Variants in ANKRD52 observed in about 807,000 individuals in gnomAD.
ANKRD52 encodes serine/threonine-protein phosphatase 6 regulatory ankyrin repeat subunit C.
ANKRD52 carries 7 observed loss-of-function variants against 116.0 expected under a neutral mutation model. That is an observed-to-expected ratio of 0.06 (90% confidence interval 0.03 to 0.11). The LOEUF is 0.11. Ranked by LOEUF, ANKRD52 falls within the 10% of genes least tolerant of loss-of-function variation. ANKRD52 has a pLI of 1.00. For missense variants in ANKRD52, 839 were observed against 1,408.6 expected, an observed-to-expected ratio of 0.60 and a Z score of 6.47; for synonymous variants, 528 against 578.1, an observed-to-expected ratio of 0.91 and a Z score of 1.24.
rs746083957 is a variant in ANKRD52 at position 56,255,842 on chromosome 12, A to C, written c.404T>G (p.Val135Gly). ...AGCACTGCGCCCGCTCCTGTCAGCC[A>C]CGTTGAGGCTGCTCAACAGGGGTGC... Reference protein sequence around the residue: ...ALAPLLSSLNVADRSGRSALH... With the variant: ...ALAPLLSSLNGADRSGRSALH... Residue 135 changes from valine (V) to glycine (G), a missense_variant, in exon 5 of 28, where the codon GTG (valine) becomes GGG (glycine). This residue lies in a region of ANKRD52 where 287 missense variants were observed against 598.1 expected (regional missense o/e 0.48). Transcript: ENST00000267116. This position sits in a 1 kb window ranked among gnomAD's most constrained non-coding sequence, Gnocchi z 4.3. 6.3e-7 allele frequency: 1 copy of C among 1,580,034 alleles called. No individual in the cohort carries two copies. The highest frequency in any genetic ancestry group is 1.2e-5 in the South Asian group (1 of 86,604).
At position 56,244,827 on chromosome 12, in the gene ANKRD52, A is replaced by G. The variant is rs1871322024; in HGVS notation, c.2577-30T>C. On this transcript the variant is annotated intron_variant, in intron 23 of 27. Coordinates refer to ENST00000267116, the MANE Select transcript of ANKRD52 (RefSeq NM_173595.4). The surrounding 1 kb of genome is among the most constrained non-coding windows in gnomAD (Gnocchi z 4.9). ...AAGGCAGGGATCAGGGTAGATTAAA[A>G]TAGGGAAGAGTATACTGCCCAAGCA... The G allele has an allele frequency of 6.2e-7, 1 of 1,613,912 alleles. No homozygotes were observed. Among genetic ancestry groups the G allele is most frequent in the Non-Finnish European group, 8.5e-7 (1 of 1,179,870 alleles).
At position 56,243,904 on chromosome 12, in the gene ANKRD52, T is replaced by G. The variant is rs781619902; in HGVS notation, c.2889-28A>C. 1 of 1,581,808 alleles carries G rather than the reference T, an allele frequency of 6.3e-7. No individual in the cohort carries two copies. Among genetic ancestry groups the G allele is most frequent in the South Asian group, 1.1e-5 (1 of 87,554 alleles). On this transcript the variant is annotated intron_variant, in intron 26 of 27. Transcript: ENST00000267116. This position sits in a 1 kb window ranked among gnomAD's most constrained non-coding sequence, Gnocchi z 4.6. ...TGGAAAAAAGGAAAAAGAAGGAGCTTGATGCTAAGCTGCCCTTCCACCTCC... is the reference window on the plus strand; with the variant it reads ...TGGAAAAAAGGAAAAAGAAGGAGCTGGATGCTAAGCTGCCCTTCCACCTCC...
Position 56,240,170 on chromosome 12 carries a change from T to G in ANKRD52, c.*2972A>C, listed in dbSNP as rs1334069123. The G allele has an allele frequency of 6.6e-6, 1 of 152,436 alleles. No individual in the cohort carries two copies. Among genetic ancestry groups the G allele is most frequent in the Admixed American group, 6.5e-5 (1 of 15,284 alleles). The allele number at this position is 152,436 out of a possible 1,614,324, so 9.4% of individuals were successfully genotyped here. On this transcript the variant is annotated 3_prime_UTR_variant, in exon 28 of 28. Coordinates refer to ENST00000267116, the MANE Select transcript of ANKRD52 (RefSeq NM_173595.4). The surrounding 1 kb of genome is among the most constrained non-coding windows in gnomAD (Gnocchi z 4.2). ...CGTCAGTCTCAGTGGACAGTGGCAG[T>G]GACCCGGGTCTGCTGGTCCTTCCTG...
chr12:56,247,218 T>C (rs975124854), intron 20 of ANKRD52, among the ~76,000 whole-genome samples: 1 of 151,040 alleles, frequency 6.6e-6, no homozygotes, highest in Non-Finnish European at 1.5e-5. Flanking sequence ...TGATGGCATG[T>C]GCCTACAGTT....
rs201659742 is a variant in ANKRD52 at position 56,244,699 on chromosome 12, C to A, written c.2675G>T (p.Arg892Leu). 3 of 1,613,794 alleles carry A rather than the reference C, an allele frequency of 1.9e-6. No individual in the cohort carries two copies. Among genetic ancestry groups the A allele is most frequent in the Non-Finnish European group, 2.5e-6 (3 of 1,179,916 alleles). The change falls in exon 24 of 28, where the codon CGC becomes CTC. Residue 892 changes from arginine to leucine, a missense_variant. Transcript: ENST00000267116. This position sits in a 1 kb window ranked among gnomAD's most constrained non-coding sequence, Gnocchi z 4.9. ...CTCAGCCGCCGTCATGAGCGCAGTG[C>A]GGCCAGTGTGGTCAGTGGCGTTCAC... ...AEVNATDHTG[R>L]TALMTAAENG...
chr12:56,258,059 G>A (rs1592397361), intron 1 of ANKRD52, 148 bp from the exon 2 acceptor site: 1 of 1,323,602 alleles, frequency 7.6e-7, no homozygotes, highest in South Asian at 1.3e-5. Context: ...AGCTCCCGCG[G>A]TGCCTCCGCC....
chr12:56,244,971 G>C lies in ANKRD52; in HGVS notation c.2511C>G (p.Ser837Arg), dbSNP rs370342813. 7.4e-6 allele frequency: 12 copies of C among 1,613,802 alleles called. No homozygotes were observed. In the South Asian group the frequency reaches 7.7e-5, roughly 10 times the overall value. ...LHCAVINNQD[S>R]TTEMLLGALG... The stretch of plus-strand genomic sequence containing the variant: ...GAGCTCCCAGTAGCATCTCTGTGGT[G>C]CTGTCTTGGTTATTAATCCTAGAGG... The change falls in exon 23 of 28, where the codon AGC (serine) becomes AGG (arginine). Residue 837 changes from serine (S) to arginine (R), a missense_variant. By Grantham distance (110) the Ser-to-Arg change is moderately radical. Around this residue, in one of 2 missense-constraint regions of ANKRD52, gnomAD observed 552 missense variants for 810.6 expected, o/e 0.68. Coordinates refer to ENST00000267116, the MANE Select transcript of ANKRD52 (RefSeq NM_173595.4). This position sits in a 1 kb window ranked among gnomAD's most constrained non-coding sequence, Gnocchi z 4.9.
At chr12:56,246,378 ACTCT>A (rs1289296768) in intron 20 of ANKRD52, among the ~76,000 whole-genome samples, 1 of 151,996 alleles carries the variant, frequency 6.6e-6, no homozygotes, top group Non-Finnish European at 1.5e-5. Flanking sequence ...TCCCTCCTTG[ACTCT>A]CTCTATGCCA....
In ANKRD52 at chr12:56,238,016, CAAATG is replaced by C; in HGVS notation, c.*5121_*5125del. 4.7e-5 allele frequency: 15 copies of C among 318,418 alleles called. No individual in the cohort carries two copies. The highest frequency in any genetic ancestry group is 2.5e-4 in the South Asian group (2 of 7,994). 19.7% of individuals were successfully genotyped at this position (318,418 alleles called of 1,614,324 possible). ...TAGCCCAGGGAGGGGAGGGGTGGGG[CAAATG>C]CACCGAGGTCCCCACTTTTTCCTGC... On this transcript the variant is annotated 3_prime_UTR_variant, in exon 28 of 28. Transcript: ENST00000267116.
intron 20 of ANKRD52, among the ~76,000 whole-genome samples, chr12:56,246,596 G>T (rs1871409712): frequency 6.6e-6 from 1 of 152,030 alleles, no homozygotes; most frequent in Non-Finnish European, 1.5e-5. Flanking sequence ...GTAGAGTCTG[G>T]GTGGTGAGCA....
At position 56,252,761 on chromosome 12, in the gene ANKRD52, A is replaced by C; in HGVS notation, c.1301+19T>G. 6.2e-7 allele frequency: 1 copy of C among 1,609,880 alleles called. No homozygotes were observed. The highest frequency in any genetic ancestry group is 8.5e-7 in the Non-Finnish European group (1 of 1,176,994). ...CCCAGCTCCCTGCTCAAAGCATGGG[A>C]GAGAGAAAGAGAACTCACCCTCCGG... is the stretch of plus-strand genomic sequence containing the variant. On this transcript the variant is annotated intron_variant, in intron 12 of 27. Transcript: ENST00000267116. The surrounding 1 kb of genome is among the most constrained non-coding windows in gnomAD (Gnocchi z 4.7).
At position 56,243,988 on chromosome 12, in the gene ANKRD52, C is replaced by T. The variant is rs1388915102; in HGVS notation, c.2888+63G>A. ...TGGGCTCCAGAGAGCCTCTGAACAGCGGCCACTCTTTCATCACCCACTGGC... is the reference window on the plus strand; with the variant it reads ...TGGGCTCCAGAGAGCCTCTGAACAGTGGCCACTCTTTCATCACCCACTGGC... On this transcript the variant is annotated intron_variant, in intron 26 of 27. Transcript: ENST00000267116. This position sits in a 1 kb window ranked among gnomAD's most constrained non-coding sequence, Gnocchi z 4.6. 1.2e-5 allele frequency: 19 copies of T among 1,601,742 alleles called. No homozygotes were observed. Among genetic ancestry groups the T allele is most frequent in the African/African-American group, 6.7e-5 (5 of 74,694 alleles).
In ANKRD52 at chr12:56,244,922, G is replaced by C; in HGVS notation, c.2560C>G (p.Arg854Gly). The part of the protein sequence containing the change: ...GALGAKIVNS[R>G]DAKGRTPLHA... ...ATCACTCACCGTCCTTTGGCATCTC[G>C]GCTGTTCACAATCTTGGCACCCAGA... Residue 854 changes from arginine (R) to glycine (G), a missense_variant, in exon 23 of 28, where the codon CGA becomes GGA. Arg to Gly is a moderately radical substitution (Grantham distance 125). Coordinates refer to ENST00000267116, the MANE Select transcript of ANKRD52 (RefSeq NM_173595.4). This position sits in a 1 kb window ranked among gnomAD's most constrained non-coding sequence, Gnocchi z 4.9. 1 of 1,613,910 alleles carries C rather than the reference G, an allele frequency of 6.2e-7. No homozygotes were observed. The highest frequency in any genetic ancestry group is 1.3e-5 in the African/African-American group (1 of 75,008).
chr12:56,257,915 C>T lies in ANKRD52; in HGVS notation c.28-4G>A. 6.2e-7 allele frequency: 1 copy of T among 1,605,348 alleles called. No homozygotes were observed. On this transcript the variant is annotated splice_polypyrimidine_tract_variant and splice_region_variant and intron_variant, in intron 1 of 27. Coordinates refer to ENST00000267116, the MANE Select transcript of ANKRD52 (RefSeq NM_173595.4). ...AGATGGCCTGGACCAGGGGCGGCTGCAGAGAGAACCGGCATTCTGAGAGCG... is the reference window on the plus strand; with the variant it reads ...AGATGGCCTGGACCAGGGGCGGCTGTAGAGAGAACCGGCATTCTGAGAGCG...
chr12:56,244,118 C>T lies in ANKRD52; in HGVS notation c.2821G>A (p.Ala941Thr). ...LACSKGHEKC[A>T]LMILAETQDL... ...TGGGTTTCTGCCAGGATCATGAGGG[C>T]ACATTTCTCATGGCCCTGAGGGAGG... The change falls in exon 26 of 28, where the codon GCC becomes ACC. Residue 941 changes from alanine to threonine, a missense_variant. Transcript: ENST00000267116. The surrounding 1 kb of genome is among the most constrained non-coding windows in gnomAD (Gnocchi z 4.9). 1 of 1,613,936 alleles carries T rather than the reference C, an allele frequency of 6.2e-7. No homozygotes were observed. Among genetic ancestry groups the T allele is most frequent in the Non-Finnish European group, 8.5e-7 (1 of 1,179,870 alleles).
rs1022839645 is a variant in ANKRD52, at chr12:56,241,144, G to A, written c.*1998C>T. 2 of 152,118 alleles carry A rather than the reference G, an allele frequency of 1.3e-5. No individual in the cohort carries two copies. Among genetic ancestry groups the A allele is most frequent in the African/African-American group, 4.8e-5 (2 of 41,402 alleles). The allele number at this position is 152,118 out of a possible 1,614,324, so 9.4% of individuals were successfully genotyped here. A position where few individuals can be genotyped will look rare whatever the true frequency, so the allele number is the denominator to read the frequency against. On this transcript the variant is annotated 3_prime_UTR_variant, in exon 28 of 28. Transcript: ENST00000267116. ...TAGGGGAGGACACGGTGTGGAGGGA[G>A]GTGGGCAAGAGGGGCGTCACAAGGC...
At position 56,242,474 on chromosome 12, in the gene ANKRD52, G is replaced by A. The variant is rs1871207563; in HGVS notation, c.*668C>T. Reference sequence around the variant, plus strand: ...GAACCAGCCCTTGATTTGCATATGAGGAGCCAGGGGAGAGTGCAGGATTGG... The same window carrying A: ...GAACCAGCCCTTGATTTGCATATGAAGAGCCAGGGGAGAGTGCAGGATTGG... On this transcript the variant is annotated 3_prime_UTR_variant, in exon 28 of 28. Transcript: ENST00000267116. This position sits in a 1 kb window ranked among gnomAD's most constrained non-coding sequence, Gnocchi z 4.3. 6.5e-6 allele frequency: 2 copies of A among 306,098 alleles called. No individual in the cohort carries two copies. The highest frequency in any genetic ancestry group is 5.1e-5 in the Admixed American group (1 of 19,690). 19.0% of individuals were successfully genotyped at this position (306,098 alleles called of 1,614,324 possible). A position where few individuals can be genotyped will look rare whatever the true frequency, so the allele number is the denominator to read the frequency against.
chr12:56,243,817 T>C lies in ANKRD52; in HGVS notation c.2948A>G (p.His983Arg). ...ATCCACAGCCAGCACTGTGGCCCCA[T>C]GACTCAGCAGGGCCTGTACCACAGA... ...LASVVQALLS[H>R]GATVLAVDEE... The change falls in exon 27 of 28, where the codon CAT becomes CGT. Residue 983 changes from histidine to arginine, a missense_variant. His to Arg is a conservative substitution (Grantham distance 29, BLOSUM62 0). This residue lies in a region of ANKRD52 where 552 missense variants were observed against 810.6 expected (regional missense o/e 0.68). Coordinates refer to ENST00000267116, the MANE Select transcript of ANKRD52 (RefSeq NM_173595.4). The surrounding 1 kb of genome is among the most constrained non-coding windows in gnomAD (Gnocchi z 4.6). 1.3e-6 allele frequency: 2 copies of C among 1,563,636 alleles called. No homozygotes were observed. Among genetic ancestry groups the C allele is most frequent in the South Asian group, 2.4e-5 (2 of 84,684 alleles).
intron 4 of ANKRD52, among the ~76,000 whole-genome samples, chr12:56,256,504 C>T (rs148934146): frequency 6.6e-6 from 1 of 152,326 alleles, no homozygotes; most frequent in African/African-American, 2.4e-5. Context: ...GGCCTCGGCC[C>T]CTCCCCCTGG....
Sources: allele counts gnomAD v4.1 joint callset (sites outside exome capture counted in the v4.1 genomes callset), GRCh38; gene constraint gnomAD v4.1.1; regional missense constraint gnomAD v4.1.1; non-coding constraint Gnocchi (gnomAD v3.1); transcripts MANE v1.5; gene names NCBI Gene and HGNC (gene_info 2026-07-23, HGNC 2026-07-21).